The following ZNF423 variants were observed in gnomAD, a reference collection of about 807,000 sequenced individuals.
ZNF423 encodes the protein Ebf-associated zinc finger protein.
ZNF423 carries 12 observed loss-of-function variants against 95.8 expected under a neutral mutation model. That is an observed-to-expected ratio of 0.13 (90% CI 0.08 to 0.20). ZNF423 has a LOEUF of 0.20. Among genes scored for constraint, ZNF423 ranks in the 10% least tolerant of loss-of-function variants. The pLI, the probability that ZNF423 is intolerant of heterozygous loss-of-function variation, is 1.00. For missense variants in ZNF423, 1,316 were observed against 1,737.1 expected, an observed-to-expected ratio of 0.76 and a Z score of 4.31; for synonymous variants, 749 against 711.9, an observed-to-expected ratio of 1.05 and a Z score of -0.83.
intron 5 of ZNF423, among the ~76,000 whole-genome samples, chr16:49,557,737 C>T (rs1407652406): frequency 1.3e-5 from 2 of 152,182 alleles, no homozygotes; most frequent in South Asian, 2.1e-4. Flanking sequence ...CCCATGAAGG[C>T]CTCAAGGATG....
At chr16:49,615,421 G>A (rs541701800) in intron 5 of ZNF423, among the ~76,000 whole-genome samples, 2 of 152,280 alleles carry the variant, frequency 1.3e-5, no homozygotes, top group Non-Finnish European at 2.9e-5. Context: ...ACCTAGAGGG[G>A]AAGGATGGGA....
chr16:49,629,707 C>A (rs1029592954), intron 4 of ZNF423, among the ~76,000 whole-genome samples: 1 of 152,152 alleles, frequency 6.6e-6, no homozygotes, highest in East Asian at 1.9e-4. Context: ...TTTTGTCTAC[C>A]TTTGAGGCAG....
chr16:49,510,705 T>C (rs1967852359), intron 7 of ZNF423, among the ~76,000 whole-genome samples: 3 of 152,134 alleles, frequency 2.0e-5, no homozygotes. Flanking sequence ...TTTGTCTGAG[T>C]CAATGCGGGG....
intron 2 of ZNF423, among the ~76,000 whole-genome samples, chr16:49,785,340 C>A (rs958283421): frequency 2.0e-5 from 3 of 152,204 alleles, no homozygotes; most frequent in African/African-American, 7.2e-5. Flanking sequence ...CTTGACCTCA[C>A]AAAGTGCTGG....
chr16:49,725,080 C>G (rs994196530), intron 3 of ZNF423, among the ~76,000 whole-genome samples: 1 of 152,208 alleles, frequency 6.6e-6, no homozygotes, highest in African/African-American at 2.4e-5. Context: ...CTCCAGCTCT[C>G]TGAGCCTCAG....
At chr16:49,698,002 G>A (rs980384199) in intron 3 of ZNF423, among the ~76,000 whole-genome samples, 19 of 152,022 alleles carry the variant, frequency 1.2e-4, no homozygotes, top group Non-Finnish European at 2.2e-4. Context: ...AGCATCTGGG[G>A]GTGCGTGTGT....
intron 3 of ZNF423, among the ~76,000 whole-genome samples, chr16:49,730,363 TC>T (rs2033132242): frequency 6.6e-6 from 1 of 152,164 alleles, no homozygotes; most frequent in South Asian, 2.1e-4. Context: ...AATTTCCTCA[TC>T]CCATCAGAAG....
At chr16:49,498,427 G>A (rs1567424547) in intron 7 of ZNF423, among the ~76,000 whole-genome samples, 1 of 152,206 alleles carries the variant, frequency 6.6e-6, no homozygotes, top group Non-Finnish European at 1.5e-5. Context: ...AGAAGCACAG[G>A]GTATGTGCCA....
In ZNF423 at chr16:49,622,881, C is replaced by T. The variant is rs115117571; in HGVS notation, c.3601+3289G>A. On this transcript the variant is annotated intron_variant, in intron 5 of 7. Coordinates refer to ENST00000563137, the MANE Select transcript of ZNF423 (RefSeq NM_001379286.1). ...TGTTAGCATCCTTATTCAATGTGAC[C>T]TCTTTGCTGCATGCTATGTGCAGTG... Among the ~76,000 whole-genome samples the T allele has an allele frequency of 4.3e-3, 656 of 152,302 alleles. 6 individuals carry two copies. The highest frequency in any genetic ancestry group is 0.014 in the African/African-American group (601 of 41,570).
intron 5 of ZNF423, among the ~76,000 whole-genome samples, chr16:49,624,737 T>C (rs926159162): frequency 3.3e-5 from 5 of 152,180 alleles, no homozygotes; most frequent in Non-Finnish European, 7.3e-5. Context: ...AAGTGAAAGA[T>C]GTCAGGTGCA....
chr16:49,644,466 G>A (rs899871330), intron 3 of ZNF423, among the ~76,000 whole-genome samples: 9 of 149,712 alleles, frequency 6.0e-5, no homozygotes, highest in African/African-American at 2.2e-4. Flanking sequence ...ACCAGTCTGA[G>A]CAATATAGCA....
intron 5 of ZNF423, among the ~76,000 whole-genome samples, chr16:49,611,249 T>C (rs2031774950): frequency 6.6e-6 from 1 of 152,084 alleles, no homozygotes; most frequent in African/African-American, 2.4e-5. Context: ...GACCATATCA[T>C]GGGTCATAAA....
At position 49,666,080 on chromosome 16, in the gene ZNF423, A is replaced by G. The variant is rs1341481117; in HGVS notation, c.302-27206T>C. Among the ~76,000 whole-genome samples, 3 of 152,154 alleles carry G rather than the reference A, an allele frequency of 2.0e-5. No homozygotes were observed. The East Asian group carries it at 5.8e-4, about 29-fold the overall frequency. On this transcript the variant is annotated intron_variant, in intron 3 of 7. Transcript: ENST00000563137. The stretch of plus-strand genomic sequence containing the variant: ...GGATTTTCTAAATAGTGCGATCAAA[A>G]CGCAGCGAAGGCCGGGGAGAGCTGG...
intron 7 of ZNF423, among the ~76,000 whole-genome samples, chr16:49,519,838 A>G (rs1968317254): frequency 6.6e-6 from 1 of 152,158 alleles, no homozygotes; most frequent in African/African-American, 2.4e-5. Flanking sequence ...TCTGGGCTCC[A>G]CTGCCTCTGC....
intron 1 of ZNF423, chr16:49,822,768 G>A: frequency 6.4e-7 from 1 of 1,568,524 alleles, no homozygotes; most frequent in Non-Finnish European, 8.7e-7. Context: ...ATTTCTTATT[G>A]CAGGCTAGTA....
intron 3 of ZNF423, among the ~76,000 whole-genome samples, chr16:49,690,082 C>T (rs2031721858): frequency 6.6e-6 from 1 of 152,194 alleles, no homozygotes; most frequent in South Asian, 2.1e-4. Context: ...GGCACAGAAC[C>T]ACCATCTACT....
At chr16:49,570,024 T>C (rs186772143) in intron 5 of ZNF423, among the ~76,000 whole-genome samples, 1 of 152,298 alleles carries the variant, frequency 6.6e-6, no homozygotes, top group East Asian at 1.9e-4. Context: ...CTGACCCTCC[T>C]CACCTATGGA....
At chr16:49,768,514 G>C (rs1210016298) in intron 2 of ZNF423, among the ~76,000 whole-genome samples, 1 of 152,186 alleles carries the variant, frequency 6.6e-6, no homozygotes, top group Non-Finnish European at 1.5e-5. Flanking sequence ...CAGTGGACCT[G>C]CCTGGTGACC....
intron 3 of ZNF423, among the ~76,000 whole-genome samples, chr16:49,702,766 A>G (rs902720442): frequency 7.2e-5 from 11 of 152,252 alleles, no homozygotes; most frequent in African/African-American, 2.7e-4. Flanking sequence ...CTGGTGGGCC[A>G]AGGGCCAGGC....
Sources: allele counts gnomAD v4.1 joint callset (sites outside exome capture counted in the v4.1 genomes callset), GRCh38; gene constraint gnomAD v4.1.1; transcripts MANE v1.5; gene names NCBI Gene and HGNC (gene_info 2026-07-23, HGNC 2026-07-21).